MARK1: variants seen among roughly 807,000 people sequenced by gnomAD.
The protein encoded by MARK1 is microtubule affinity regulating kinase 1.
MARK1 carries 40 observed loss-of-function variants against 96.3 expected under a neutral mutation model. The ratio of observed to expected loss-of-function variants is 0.42; its 90% CI spans 0.32 to 0.54. The LOEUF (loss-of-function observed/expected upper bound fraction) is 0.54, where lower values mean the gene tolerates loss of function less well. Ranked by LOEUF, MARK1 falls within the 20% of genes least tolerant of loss-of-function variation. The pLI is 0.16. For missense variants in MARK1, 719 were observed against 984.6 expected (o/e 0.73, Z 3.61); for synonymous variants, 317 against 341.2 (o/e 0.93, Z 0.78).
In MARK1 at chr1:220,631,034, G is replaced by A. The variant is rs1423576351; in HGVS notation, c.910-1G>A. On this transcript the variant is annotated splice_acceptor_variant, in intron 9 of 17. Transcript: ENST00000366917. LOFTEE classifies it high-confidence loss of function. Reference sequence around the variant, plus strand: ...CACATAATGTAGAGTTTATTTCCTAGCAAATAATGAAAGATCGATGGATGA... The same window carrying A: ...CACATAATGTAGAGTTTATTTCCTAACAAATAATGAAAGATCGATGGATGA... The A allele has an allele frequency of 6.2e-7, 1 of 1,601,604 alleles. No homozygotes were observed. The highest frequency in any genetic ancestry group is 8.6e-7 in the Non-Finnish European group (1 of 1,169,348).
chr1:220,534,171 T>C (rs1218938407), intron 1 of MARK1, among the ~76,000 whole-genome samples: 2 of 152,100 alleles, frequency 1.3e-5, no homozygotes, highest in African/African-American at 2.4e-5. Flanking sequence ...TATTTAATTT[T>C]ATGATATGTA....
intron 17 of MARK1, among the ~76,000 whole-genome samples, chr1:220,658,213 T>C (rs1669282353): frequency 6.6e-6 from 1 of 152,188 alleles, no homozygotes; most frequent in African/African-American, 2.4e-5. Context: ...TGTAGGAAGA[T>C]TTGATATTAG....
chr1:220,610,545 A>G (rs1018786162), intron 6 of MARK1, among the ~76,000 whole-genome samples: 9 of 152,106 alleles, frequency 5.9e-5, no homozygotes, highest in African/African-American at 2.2e-4. Context: ...TCTGAAGCCT[A>G]CTTCTGTCAA....
At chr1:220,593,083 A>G (rs769072760) in intron 3 of MARK1, among the ~76,000 whole-genome samples, 7 of 152,222 alleles carry the variant, frequency 4.6e-5, no homozygotes, top group Non-Finnish European at 1.0e-4. Context: ...GATATATAAT[A>G]GCAATAATAC....
intron 7 of MARK1, among the ~76,000 whole-genome samples, chr1:220,616,974 G>C (rs942783723): frequency 6.6e-6 from 1 of 152,094 alleles, no homozygotes; most frequent in Non-Finnish European, 1.5e-5. Flanking sequence ...TTCCTGGAAG[G>C]AGACCTCAGA....
chr1:220,625,335 A>G (rs1667266061), intron 9 of MARK1, among the ~76,000 whole-genome samples: 1 of 152,242 alleles, frequency 6.6e-6, no homozygotes, highest in Non-Finnish European at 1.5e-5. Context: ...ATTTACAAAT[A>G]TGTACTGACC....
In MARK1 at chr1:220,579,511, A is replaced by G. The variant is rs1664088038; in HGVS notation, c.209A>G (p.Asn70Ser). The stretch of plus-strand genomic sequence containing the variant: ...TTACAAAAAACAATAGGGAAGGGAA[A>G]TTTTGCCAAAGTCAAATTGGCAAGA... ...YRLQKTIGKG[N>S]FAKVKLARHV... Residue 70 changes from asparagine (N) to serine (S), a missense_variant, in exon 2 of 18, where the codon AAT (asparagine) becomes AGT (serine). Physicochemically the swap from Asn to Ser is conservative, Grantham distance 46. Transcript: ENST00000366917. 1.9e-6 allele frequency: 3 copies of G among 1,613,940 alleles called. No individual in the cohort carries two copies. The highest frequency in any genetic ancestry group is 1.7e-5 in the Admixed American group (1 of 59,988).
chr1:220,587,965 A>ATT (rs1664756287), intron 3 of MARK1, among the ~76,000 whole-genome samples: 1 of 152,150 alleles, frequency 6.6e-6, no homozygotes, highest in South Asian at 2.1e-4. Flanking sequence ...ATAATGTCAA[A>ATT]TTGCTCTCCA....
intron 1 of MARK1, among the ~76,000 whole-genome samples, chr1:220,531,660 A>C (rs972420481): frequency 6.6e-6 from 1 of 152,296 alleles, no homozygotes; most frequent in Non-Finnish European, 1.5e-5. Context: ...ATGAGAAAGA[A>C]TTGCTTTTCT....
intron 5 of MARK1, among the ~76,000 whole-genome samples, chr1:220,602,117 A>G (rs1347594357): frequency 6.6e-6 from 1 of 152,200 alleles, no homozygotes; most frequent in Non-Finnish European, 1.5e-5. Context: ...TCTGACATGT[A>G]CACTAGAAAG....
chr1:220,550,358 CT>C (rs549855129), intron 1 of MARK1, among the ~76,000 whole-genome samples: 1 of 151,330 alleles, frequency 6.6e-6, no homozygotes, highest in Non-Finnish European at 1.5e-5. Context: ...AGGAGAAGCT[CT>C]TTTTTTTTCT....
chr1:220,611,995 A>G (rs1319351118), intron 6 of MARK1, among the ~76,000 whole-genome samples: 1 of 152,196 alleles, frequency 6.6e-6, no homozygotes, highest in East Asian at 1.9e-4. Flanking sequence ...GGCCTCCCAA[A>G]GTGCTGGGAT....
At chr1:220,612,399 A>G (rs1230412315) in intron 6 of MARK1, among the ~76,000 whole-genome samples, 1 of 152,212 alleles carries the variant, frequency 6.6e-6, no homozygotes, top group Non-Finnish European at 1.5e-5. Context: ...ATATTTTGAA[A>G]TCATCTTCAT....
chr1:220,549,977 A>T (rs983446642), intron 1 of MARK1, among the ~76,000 whole-genome samples: 2 of 152,258 alleles, frequency 1.3e-5, no homozygotes, highest in Admixed American at 6.5e-5. Flanking sequence ...GTTGTTGATC[A>T]GGATGTATTT....
intron 1 of MARK1, among the ~76,000 whole-genome samples, chr1:220,557,350 G>A (rs1394551026): frequency 3.3e-5 from 5 of 152,118 alleles, no homozygotes; most frequent in East Asian, 1.9e-4. Flanking sequence ...CAAGGCGGGC[G>A]GATCACTTAA....
At chr1:220,563,631 C>A (rs564497832) in intron 1 of MARK1, among the ~76,000 whole-genome samples, 1 of 152,020 alleles carries the variant, frequency 6.6e-6, no homozygotes, top group Non-Finnish European at 1.5e-5. Context: ...CAGAGAAGAC[C>A]CCTCTGTGTA....
chr1:220,625,842 A>G, intron 9 of MARK1: 1 of 465,264 alleles, frequency 2.1e-6, no homozygotes. Context: ...GCCTCACCAA[A>G]TCTACTACTC....
intron 16 of MARK1, 71 bp downstream of exon 16, chr1:220,653,423 A>G (rs1386399725): frequency 3.5e-6 from 5 of 1,443,216 alleles, no homozygotes; most frequent in Non-Finnish European, 4.6e-6. Flanking sequence ...TTTTAAAAAA[A>G]TCTTTATAAT....
intron 9 of MARK1, among the ~76,000 whole-genome samples, chr1:220,621,558 T>C (rs1371160626): frequency 1.3e-5 from 2 of 152,162 alleles, no homozygotes; most frequent in African/African-American, 2.4e-5. Context: ...TTTGTGCTTC[T>C]TCATGTATAA....
Sources: gnomAD v4.1 joint callset for allele counts (sites outside exome capture counted in the v4.1 genomes callset) on GRCh38, gnomAD v4.1.1 for gene constraint, MANE v1.5 for transcripts, NCBI Gene and HGNC (gene_info 2026-07-23, HGNC 2026-07-21) for gene names.